The following TRIM55 variants were observed in gnomAD, a reference collection of about 807,000 sequenced individuals.
TRIM55 encodes the protein tripartite motif containing 55.
In TRIM55, 50 loss-of-function variants were observed where a neutral mutation model predicts 60.9. The observed-to-expected ratio is 0.82, with a 90% CI of 0.65 to 1.04. The LOEUF (loss-of-function observed/expected upper bound fraction) is 1.04, where lower values mean the gene tolerates loss of function less well. TRIM55 is among the 50% of genes least tolerant of loss of function. TRIM55 has a pLI of 0.00. For synonymous variants in TRIM55, 237 were observed against 238.1 expected (o/e 1.00, Z 0.04); for missense variants, 681 against 666.9 (o/e 1.02, Z -0.23).
chr8:66,172,376 A>G (rs747565930), intron 9 of TRIM55, among the ~76,000 whole-genome samples: 40 of 152,188 alleles, frequency 2.6e-4, no homozygotes, highest in Non-Finnish European at 4.8e-4. Flanking sequence ...GAGATGGTGC[A>G]ATTATCTAAA....
chr8:66,157,886 C>T (rs994264039), intron 9 of TRIM55, among the ~76,000 whole-genome samples: 2 of 152,160 alleles, frequency 1.3e-5, no homozygotes, highest in Non-Finnish European at 2.9e-5. Context: ...AAAAACCAAA[C>T]ATCAGCTTCC....
rs564093670 is a variant in TRIM55, at chr8:66,133,940, C to T, written c.342-1050C>T. Among the ~76,000 whole-genome samples the T allele has an allele frequency of 3.3e-5, 5 of 152,274 alleles. No individual in the cohort carries two copies. The South Asian group carries it at 8.3e-4, about 25-fold the overall frequency. On this transcript the variant is annotated intron_variant, in intron 2 of 9. Transcript: ENST00000315962. ...GTATATACACACATACACAAACACA[C>T]ACACACACACAAACACACATATACT...
intron 3 of TRIM55, 103 bp downstream of exon 3, chr8:66,135,258 C>G: frequency 5.5e-6 from 7 of 1,268,632 alleles, no homozygotes; most frequent in Non-Finnish European, 7.9e-6. Context: ...AGGAGGAAGC[C>G]CAAGCCACGC....
intron 5 of TRIM55, 133 bp from the exon 6 acceptor site, chr8:66,150,084 T>C: frequency 1.8e-6 from 2 of 1,138,452 alleles, no homozygotes; most frequent in South Asian, 1.5e-5. Context: ...GGTTCTGTTA[T>C]AAGACAGCAG....
chr8:66,132,314 G>A (rs1462026626), intron 2 of TRIM55, among the ~76,000 whole-genome samples: 1 of 152,202 alleles, frequency 6.6e-6, no homozygotes, highest in East Asian at 1.9e-4. Context: ...TTAGCCAGGT[G>A]TGGTGGCAGG....
the TRIM55 span, among the ~76,000 whole-genome samples, chr8:66,119,696 G>A: frequency 1.3e-5 from 2 of 152,138 alleles, no homozygotes; most frequent in African/African-American, 2.4e-5. Flanking sequence ...ACCAAAAGAC[G>A]GTGACCCAGT....
chr8:66,146,510 T>G (rs1233124180), intron 4 of TRIM55, among the ~76,000 whole-genome samples: 1 of 152,236 alleles, frequency 6.6e-6, no homozygotes, highest in Non-Finnish European at 1.5e-5. Context: ...TTAAATCACA[T>G]AGGAGAAAAT....
At chr8:66,156,314 G>C (rs900973229) in intron 9 of TRIM55, among the ~76,000 whole-genome samples, 1 of 152,152 alleles carries the variant, frequency 6.6e-6, no homozygotes, top group Admixed American at 6.5e-5. Context: ...ATATCTGGGG[G>C]ATTGCAGCCA....
chr8:66,170,439 T>G (rs1300407029), intron 9 of TRIM55, among the ~76,000 whole-genome samples: 1 of 152,204 alleles, frequency 6.6e-6, no homozygotes, highest in South Asian at 2.1e-4. Context: ...GGCTGAACAG[T>G]GTTCCATTGT....
At chr8:66,117,944 A>G in the TRIM55 span, among the ~76,000 whole-genome samples, 1 of 151,912 alleles carries the variant, frequency 6.6e-6, no homozygotes, top group Non-Finnish European at 1.5e-5. Flanking sequence ...AGGCGGGTGG[A>G]TCACGAGATC....
intron 4 of TRIM55, among the ~76,000 whole-genome samples, chr8:66,143,629 C>T (rs755767817): frequency 6.6e-6 from 1 of 151,710 alleles, no homozygotes; most frequent in Non-Finnish European, 1.5e-5. Context: ...GGAATATCCA[C>T]TTAAATACCT....
At chr8:66,148,205 G>A (rs1045600726) in intron 4 of TRIM55, among the ~76,000 whole-genome samples, 3 of 151,962 alleles carry the variant, frequency 2.0e-5, no homozygotes, top group Non-Finnish European at 4.4e-5. Flanking sequence ...AAACCAAAAG[G>A]CCAATGACTA....
chr8:66,130,227 C>T (rs555862866), intron 2 of TRIM55, among the ~76,000 whole-genome samples: 5 of 152,246 alleles, frequency 3.3e-5, no homozygotes, highest in African/African-American at 1.2e-4. Context: ...AGTACCCAGG[C>T]CTGGGAAGTA....
chr8:66,172,557 A>G (rs1293576335), intron 9 of TRIM55, among the ~76,000 whole-genome samples: 2 of 152,250 alleles, frequency 1.3e-5, no homozygotes, highest in African/African-American at 4.8e-5. Context: ...ATATGAAGGC[A>G]ATAGTGGGTT....
chr8:66,157,334 T>G (rs753467280), intron 9 of TRIM55, among the ~76,000 whole-genome samples: 2 of 152,216 alleles, frequency 1.3e-5, no homozygotes, highest in Non-Finnish European at 2.9e-5. Context: ...CTGTTCATGA[T>G]GGAGTACTAC....
intron 9 of TRIM55, among the ~76,000 whole-genome samples, chr8:66,163,276 C>G (rs1328212981): frequency 2.0e-5 from 3 of 152,014 alleles, no homozygotes; most frequent in Non-Finnish European, 4.4e-5. Flanking sequence ...CTATTCTATT[C>G]ATTTCTGCTC....
intron 4 of TRIM55, among the ~76,000 whole-genome samples, chr8:66,143,813 A>G (rs772024909): frequency 1.3e-5 from 2 of 152,182 alleles, no homozygotes; most frequent in Admixed American, 6.5e-5. Flanking sequence ...AGCTAAACAT[A>G]AAAGGTTCTG....
the TRIM55 span, among the ~76,000 whole-genome samples, chr8:66,114,166 G>C: frequency 2.0e-5 from 3 of 147,730 alleles, no homozygotes; most frequent in African/African-American, 7.5e-5. Flanking sequence ...TAAAGGAACA[G>C]ATAATAAGCC....
chr8:66,167,158 A>G (rs1227761287), intron 9 of TRIM55, among the ~76,000 whole-genome samples: 2 of 152,128 alleles, frequency 1.3e-5, no homozygotes, highest in African/African-American at 2.4e-5. Context: ...TCTGGTCTCT[A>G]TGAACAACTC....
Sources: gnomAD v4.1 joint callset for allele counts (sites outside exome capture counted in the v4.1 genomes callset) on GRCh38, gnomAD v4.1.1 for gene constraint, MANE v1.5 for transcripts, NCBI Gene and HGNC (gene_info 2026-07-23, HGNC 2026-07-21) for gene names.